Variants in DMD observed in about 807,000 individuals in gnomAD.
The protein encoded by DMD is mutant dystrophin.
Under a neutral mutation model 330.1 loss-of-function variants are expected in DMD, and 63 were observed. The observed-to-expected ratio is 0.19, with a 90% CI of 0.16 to 0.24. DMD has a LOEUF of 0.24. Ranked by LOEUF, DMD falls within the 10% of genes least tolerant of loss-of-function variation. The probability of loss-of-function intolerance (pLI) is 1.00; values close to 1 mark genes in which losing one functional copy is unlikely to be tolerated. For missense variants in DMD, 3,344 were observed against 2,684.1 expected, an observed-to-expected ratio of 1.25 and a Z score of -5.43; for synonymous variants, 1,223 against 959.8, an observed-to-expected ratio of 1.27 and a Z score of -5.07.
chrX:32,115,878 C>T (rs2096608528), intron 44 of DMD, among the ~76,000 whole-genome samples: 1 of 111,759 alleles, frequency 8.9e-6, no homozygotes. Flanking sequence ...GGACTAGTAA[C>T]GTGGCTTCCT....
intron 62 of DMD, among the ~76,000 whole-genome samples, chrX:31,307,058 C>T (rs1282452719): frequency 9.0e-6 from 1 of 111,509 alleles, no homozygotes; most frequent in African/African-American, 3.3e-5. Context: ...TGTTCCTCTG[C>T]TCATCTCAGA....
At chrX:33,303,021 T>C (rs1190273102) in intron 1 of DMD, among the ~76,000 whole-genome samples, 1 of 111,891 alleles carries the variant, frequency 8.9e-6, no homozygotes, top group Non-Finnish European at 1.9e-5. Context: ...GTTGAAATCA[T>C]ATAGTATGTA....
chrX:31,284,559 T>TTTTCTTCTTCTTTCTTCTTTCTTC (rs1569516625), intron 62 of DMD, among the ~76,000 whole-genome samples: 2 of 44,663 alleles, frequency 4.5e-5, no homozygotes, highest in African/African-American at 2.2e-4. Flanking sequence ...ACGAACTGTT[T>TTTTCTTCTTCTTTCTTCTTTCTTC]CTTCTTCTTC....
At chrX:32,905,232 T>G (rs1345916781) in intron 2 of DMD, among the ~76,000 whole-genome samples, 1 of 111,873 alleles carries the variant, frequency 8.9e-6, no homozygotes, top group East Asian at 2.8e-4. Context: ...AATTTCATAG[T>G]AATAAGTAGG....
rs192095512 is a variant in DMD, at chrX:32,982,395, C to A, written c.93+37744G>T. On this transcript the variant is annotated intron_variant, in intron 2 of 78. Transcript: ENST00000357033. ...TGCAATAGTTTTTATTATATCTGCA[C>A]TATGGATTTTTAAAAAATATGTAAC... Among the ~76,000 whole-genome samples, 6 of 111,471 alleles carry A rather than the reference C, an allele frequency of 5.4e-5. No individual in the cohort carries two copies. The East Asian group carries it at 1.7e-3, about 31-fold the overall frequency.
intron 2 of DMD, among the ~76,000 whole-genome samples, chrX:33,005,130 T>C (rs1197808623): frequency 9.1e-6 from 1 of 110,369 alleles, no homozygotes; most frequent in African/African-American, 3.3e-5. Flanking sequence ...TCTTGTCTGG[T>C]TGCAATGGCT....
chrX:33,083,765 G>A lies in DMD; in HGVS notation c.32-63565C>T, dbSNP rs181564199. On this transcript the variant is annotated intron_variant, in intron 1 of 78. Coordinates refer to ENST00000357033, the MANE Select transcript of DMD (RefSeq NM_004006.3). Reference sequence around the variant, plus strand: ...AAACCTCCTCAAAATCTTCCTGATTGAAGAGAAGTCTCCCAAACCAGTAGT... The same window carrying A: ...AAACCTCCTCAAAATCTTCCTGATTAAAGAGAAGTCTCCCAAACCAGTAGT... Among the ~76,000 whole-genome samples the A allele has an allele frequency of 5.8e-3, 650 of 111,611 alleles. 5 individuals carry two copies. Among genetic ancestry groups the A allele is most frequent in the African/African-American group, 0.021 (630 of 30,689 alleles).
intron 60 of DMD, among the ~76,000 whole-genome samples, chrX:31,412,057 G>A (rs1230082785): frequency 9.3e-6 from 1 of 107,628 alleles, no homozygotes; most frequent in African/African-American, 3.4e-5. Flanking sequence ...ATGGTGGCGG[G>A]CGCCTGCAGT....
At chrX:32,915,856 C>T (rs759405684) in intron 2 of DMD, among the ~76,000 whole-genome samples, 66 of 111,567 alleles carry the variant, frequency 5.9e-4, no homozygotes, top group African/African-American at 2.0e-3. Context: ...TTTCAAGTGC[C>T]ATAAATTCTT....
intron 2 of DMD, among the ~76,000 whole-genome samples, chrX:32,954,425 T>A (rs943589966): frequency 4.5e-5 from 5 of 111,955 alleles, no homozygotes; most frequent in Non-Finnish European, 9.4e-5. Context: ...CTTCTCACCC[T>A]ACACATGGCC....
chrX:31,220,961 G>T lies in DMD; in HGVS notation c.9361+2086C>A, dbSNP rs184295609. On this transcript the variant is annotated intron_variant, in intron 64 of 78. Transcript: ENST00000357033. The stretch of plus-strand genomic sequence containing the variant: ...CGTTAGCGTTAGTGTATTTTATGTG[G>T]GGTCCAAGACAATTCTTCTTCCACT... Among the ~76,000 whole-genome samples the T allele has an allele frequency of 8.4e-3, 834 of 98,989 alleles. 10 individuals are homozygous for T. Among genetic ancestry groups the T allele is most frequent in the African/African-American group, 0.03 (779 of 26,156 alleles). The allele number at this position is 98,989 out of a possible 115,157, so 86.0% of individuals were successfully genotyped here. A position where few individuals can be genotyped will look rare whatever the true frequency, so the allele number is the denominator to read the frequency against.
intron 54 of DMD, among the ~76,000 whole-genome samples, chrX:31,646,641 C>A (rs192525008): frequency 1.8e-5 from 2 of 111,710 alleles, no homozygotes; most frequent in Non-Finnish European, 3.8e-5. Flanking sequence ...TCACAGCTGC[C>A]TCCCTCCCTG....
At chrX:32,571,587 C>G (rs1422701901) in intron 15 of DMD, among the ~76,000 whole-genome samples, 2 of 111,941 alleles carry the variant, frequency 1.8e-5, no homozygotes, top group African/African-American at 6.5e-5. Context: ...GCTTCTGAAT[C>G]AATAACTAGT....
At chrX:32,377,228 C>G (rs991024876) in intron 34 of DMD, among the ~76,000 whole-genome samples, 1 of 111,552 alleles carries the variant, frequency 9.0e-6, no homozygotes, top group African/African-American at 3.3e-5. Flanking sequence ...ATACTTCATG[C>G]CCCCTATAAA....
chrX:33,162,757 G>GT (rs1374495269), intron 1 of DMD, among the ~76,000 whole-genome samples: 1,257 of 102,449 alleles, frequency 0.012, 10 homozygotes, highest in African/African-American at 0.039. Context: ...TTTTTATGCT[G>GT]TTTTTTTTTT....
intron 9 of DMD, among the ~76,000 whole-genome samples, chrX:32,682,253 C>G (rs1006512090): frequency 8.9e-6 from 1 of 111,747 alleles, no homozygotes; most frequent in Admixed American, 9.5e-5. Context: ...ATAGTTACCA[C>G]TATTCCACAA....
intron 50 of DMD, among the ~76,000 whole-genome samples, chrX:31,790,241 C>T (rs1285046982): frequency 9.0e-6 from 1 of 111,220 alleles, no homozygotes; most frequent in Non-Finnish European, 1.9e-5. Flanking sequence ...GCCTCACATT[C>T]CCATTCAATC....
chrX:32,837,164 C>T (rs992306100), intron 4 of DMD, among the ~76,000 whole-genome samples: 4 of 111,898 alleles, frequency 3.6e-5, no homozygotes, highest in Admixed American at 2.9e-4. Context: ...GTCCTCATTT[C>T]GCACAGAAAC....
At chrX:32,070,293 G>T (rs762302287) in intron 44 of DMD, among the ~76,000 whole-genome samples, 1 of 110,976 alleles carries the variant, frequency 9.0e-6, no homozygotes, top group African/African-American at 3.3e-5. Context: ...GGCATCTGGG[G>T]CTCACAAAAC....
Sources: gnomAD v4.1 joint callset for allele counts (sites outside exome capture counted in the v4.1 genomes callset) on GRCh38, gnomAD v4.1.1 for gene constraint, MANE v1.5 for transcripts, NCBI Gene and HGNC (gene_info 2026-07-23, HGNC 2026-07-21) for gene names.